Variants in JAKMIP1 observed in about 807,000 individuals in gnomAD.
The protein encoded by JAKMIP1 is janus kinase and microtubule interacting protein 1.
A neutral mutation model predicts 113.0 loss-of-function variants in JAKMIP1; 33 were observed. That is an observed-to-expected ratio of 0.29 (90% CI 0.22 to 0.39). JAKMIP1 has a LOEUF of 0.39. JAKMIP1 is among the 10% of genes least tolerant of loss of function. The pLI is 1.00. For synonymous variants in JAKMIP1, 480 were observed against 459.9 expected, an observed-to-expected ratio of 1.04 and a Z score of -0.56; for missense variants, 813 against 1,080.5, an observed-to-expected ratio of 0.75 and a Z score of 3.47.
chr4:6,102,722 C>CTTTTTTTTTTT lies in JAKMIP1; in HGVS notation c.624+2740_624+2750dup, dbSNP rs1191358910. ...TCCCTTTTTTCTCCCTCTCTAAAGA[C>CTTTTTTTTTTT]TTTTTTTTTTTTTTTTTTTTTTTTT... is the stretch of plus-strand genomic sequence containing the variant. On this transcript the variant is annotated intron_variant, in intron 3 of 20. Transcript: ENST00000409021. 4.1e-4 allele frequency among the ~76,000 whole-genome samples: 21 copies of CTTTTTTTTTTT among 50,834 alleles called. 4 individuals carry two copies. The highest frequency in any genetic ancestry group is 1.0e-3 in the African/African-American group (12 of 11,686). The allele number at this position is 50,834 out of a possible 152,430, so 33.3% of individuals were successfully genotyped here.
intron 17 of JAKMIP1, among the ~76,000 whole-genome samples, chr4:6,041,751 C>T (rs1170623833): frequency 2.6e-5 from 4 of 152,322 alleles, no homozygotes; most frequent in Non-Finnish European, 4.4e-5. Context: ...AAGATTTGAG[C>T]CATGCCCATG....
chr4:6,054,321 C>G (rs1578102232), intron 12 of JAKMIP1, among the ~76,000 whole-genome samples, 173 bp from the exon 13 acceptor site: 1 of 152,198 alleles, frequency 6.6e-6, no homozygotes, highest in Non-Finnish European at 1.5e-5. Flanking sequence ...GCTGCAGGTC[C>G]TTTTTGCTGA....
chr4:6,048,612 T>C (rs373051116), intron 16 of JAKMIP1, among the ~76,000 whole-genome samples: 6 of 152,300 alleles, frequency 3.9e-5, no homozygotes, highest in African/African-American at 1.4e-4. Flanking sequence ...TGGAAGGAAA[T>C]ACACAAAAGT....
At chr4:6,034,431 C>T (rs1018912931) in intron 19 of JAKMIP1, among the ~76,000 whole-genome samples, 1 of 152,162 alleles carries the variant, frequency 6.6e-6, no homozygotes, top group Non-Finnish European at 1.5e-5. Context: ...GCCCAGAATG[C>T]CCTTTCCCTT....
chr4:6,113,085 C>T (rs1044540363), intron 1 of JAKMIP1, 88 bp from the exon 2 acceptor site: 3 of 572,400 alleles, frequency 5.2e-6, no homozygotes, highest in Admixed American at 3.3e-5. Flanking sequence ...CAGGCACCTG[C>T]CTCATCTGGA....
At chr4:6,035,756 A>G (rs987311747) in intron 19 of JAKMIP1, 148 bp downstream of exon 19, 4 of 685,528 alleles carry the variant, frequency 5.8e-6, no homozygotes, top group Admixed American at 3.0e-5. Context: ...ATGGGCATCT[A>G]TGAAATCTTG....
intron 3 of JAKMIP1, among the ~76,000 whole-genome samples, chr4:6,100,702 G>A (rs557077810): frequency 3.3e-5 from 5 of 151,818 alleles, no homozygotes; most frequent in South Asian, 4.2e-4. Flanking sequence ...TCAGAATGAC[G>A]GTACCCATTC....
At chr4:6,109,714 C>A (rs1279496276) in intron 2 of JAKMIP1, among the ~76,000 whole-genome samples, 1 of 151,958 alleles carries the variant, frequency 6.6e-6, no homozygotes, top group Non-Finnish European at 1.5e-5. Flanking sequence ...CGTTTACCAC[C>A]CTCCTTCATC....
chr4:6,103,462 G>C (rs1408090558), intron 3 of JAKMIP1, among the ~76,000 whole-genome samples: 1 of 152,124 alleles, frequency 6.6e-6, no homozygotes, highest in Non-Finnish European at 1.5e-5. Flanking sequence ...TAATCCAAAA[G>C]TTTTCTTATC....
chr4:6,086,004 C>A lies in JAKMIP1; in HGVS notation c.625-375G>T, dbSNP rs1578193019. Among the ~76,000 whole-genome samples the A allele has an allele frequency of 6.6e-6, 1 of 152,250 alleles. No individual in the cohort carries two copies. The highest frequency in any genetic ancestry group is 1.5e-5 in the Non-Finnish European group (1 of 68,012). On this transcript the variant is annotated intron_variant, in intron 3 of 20. Transcript: ENST00000409021. The surrounding 1 kb of genome is among the most constrained non-coding windows in gnomAD (Gnocchi z 4.1). The stretch of plus-strand genomic sequence containing the variant: ...CTGGCTTCTCTCTCCGTCTCCAGGA[C>A]CATGTCTCCCTCTCAGTCATTGACC...
Position 6,183,331 on chromosome 4 carries a change from T to C in JAKMIP1, c.-148+16922A>G, listed in dbSNP as rs952003885. The stretch of plus-strand genomic sequence containing the variant: ...CCGTCTGTACTAAAAATACAAAAAT[T>C]AGCCGGGCTTGGTGGCGGGTGCCTG... On this transcript the variant is annotated intron_variant, in intron 1 of 20. Coordinates refer to ENST00000409021, the MANE Select transcript of JAKMIP1 (RefSeq NM_001099433.2). This position sits in a 1 kb window ranked among gnomAD's most constrained non-coding sequence, Gnocchi z 5.3. Among the ~76,000 whole-genome samples, 7 of 151,542 alleles carry C rather than the reference T, an allele frequency of 4.6e-5. No homozygotes were observed. Among genetic ancestry groups the C allele is most frequent in the African/African-American group, 1.2e-4 (5 of 41,222 alleles).
intron 3 of JAKMIP1, among the ~76,000 whole-genome samples, chr4:6,096,135 G>A (rs1434717485): frequency 6.6e-6 from 1 of 152,176 alleles, no homozygotes; most frequent in African/African-American, 2.4e-5. Flanking sequence ...GGGCCCTGGG[G>A]CTGAGAACAA....
chr4:6,110,907 G>A (rs1714827399), intron 2 of JAKMIP1, among the ~76,000 whole-genome samples: 1 of 151,734 alleles, frequency 6.6e-6, no homozygotes, highest in Non-Finnish European at 1.5e-5. Flanking sequence ...GTCAGCCCCA[G>A]CCCCAGCCCC....
At chr4:6,056,481 C>T (rs1389383651) in intron 12 of JAKMIP1, among the ~76,000 whole-genome samples, 1 of 152,252 alleles carries the variant, frequency 6.6e-6, no homozygotes, top group Non-Finnish European at 1.5e-5. Context: ...ATGACCTAAA[C>T]CAGCTCTGCA....
At position 6,035,962 on chromosome 4, in the gene JAKMIP1, C is replaced by T. The variant is rs1230212904; in HGVS notation, c.2321G>A (p.Arg774His). ...CCGCAGGATCTGGCTGTCGAACTCG[C>T]GGCTCTGCCTGAGGATCTGCCTGCG... ...KVRRQILRQS[R>H]EFDSQILRER... The change falls in exon 19 of 21, where the codon CGC becomes CAC. Residue 774 changes from arginine to histidine, a missense_variant. Physicochemically the swap from Arg to His is conservative, Grantham distance 29 (BLOSUM62 0). Transcript: ENST00000409021. 7 of 1,551,322 alleles carry T rather than the reference C, an allele frequency of 4.5e-6. No homozygotes were observed. Among genetic ancestry groups the T allele is most frequent in the East Asian group, 2.4e-5 (1 of 40,932 alleles).
At chr4:6,052,011 T>A (rs1188076129) in intron 13 of JAKMIP1, among the ~76,000 whole-genome samples, 1 of 152,126 alleles carries the variant, frequency 6.6e-6, no homozygotes, top group African/African-American at 2.4e-5. Context: ...GCTTCTTGAA[T>A]AATTCTACTA....
At position 6,056,843 on chromosome 4, in the gene JAKMIP1, T is replaced by C. The variant is rs756722247; in HGVS notation, c.1645-84A>G. On this transcript the variant is annotated intron_variant, in intron 11 of 20. Transcript: ENST00000409021. ...AAACTTTTAGTGAGAAAGGTCACTT[T>C]CTATGAAACTGACCATGGAAAGGTC... 393 of 903,156 alleles carry C rather than the reference T, an allele frequency of 4.4e-4. 2 individuals are homozygous for C. Among genetic ancestry groups the C allele is most frequent in the Non-Finnish European group, 6.4e-4 (348 of 542,610 alleles). The allele number at this position is 903,156 out of a possible 1,614,324, so 55.9% of individuals were successfully genotyped here. A position where few individuals can be genotyped will look rare whatever the true frequency, so the allele number is the denominator to read the frequency against.
Position 6,137,543 on chromosome 4 carries a change from G to A in JAKMIP1, c.-147-24546C>T, listed in dbSNP as rs114681594. 5.1e-3 allele frequency among the ~76,000 whole-genome samples: 783 copies of A among 152,310 alleles called. 8 individuals carry two copies. Among genetic ancestry groups the A allele is most frequent in the African/African-American group, 0.017 (726 of 41,562 alleles). ...CAGGGAAATCAGGAGCTGTGATTTG[G>A]TTGAACGTTCCAGATGGCCTCACTC... On this transcript the variant is annotated intron_variant, in intron 1 of 20. Transcript: ENST00000409021. The surrounding 1 kb of genome is among the most constrained non-coding windows in gnomAD (Gnocchi z 4.5).
rs531946585 is a variant in JAKMIP1, at chr4:6,044,350, G to T, written c.2029-2123C>A. ...AGAATCAAGGCTGTGCAGGTTGGTG[G>T]GGTGTGTGCTGCCTGAACAGAGGGG... On this transcript the variant is annotated intron_variant, in intron 16 of 20. Coordinates refer to ENST00000409021, the MANE Select transcript of JAKMIP1 (RefSeq NM_001099433.2). This position sits in a 1 kb window ranked among gnomAD's most constrained non-coding sequence, Gnocchi z 4.4. 2.2e-4 allele frequency among the ~76,000 whole-genome samples: 33 copies of T among 152,244 alleles called. No individual in the cohort carries two copies. The highest frequency in any genetic ancestry group is 7.2e-4 in the African/African-American group (30 of 41,546).
Sources: allele counts gnomAD v4.1 joint callset (sites outside exome capture counted in the v4.1 genomes callset), GRCh38; gene constraint gnomAD v4.1.1; non-coding constraint Gnocchi (gnomAD v3.1); transcripts MANE v1.5; gene names NCBI Gene and HGNC (gene_info 2026-07-23, HGNC 2026-07-21).